The following TBL1Y variants were observed in gnomAD, a reference collection of about 807,000 sequenced individuals.
The protein encoded by TBL1Y is transducin beta like 1 Y-linked, also known as F-box-like/WD repeat-containing protein TBL1Y.
TBL1Y carries 15 observed loss-of-function variants against 12.0 expected under a neutral mutation model. The ratio of observed to expected loss-of-function variants is 1.25; its 90% CI spans 0.83 to 1.92. The LOEUF is 1.92. Ranked by LOEUF, TBL1Y falls within the 40% of genes most tolerant of loss-of-function variation. The pLI is 0.00. For synonymous variants in TBL1Y, 53 were observed against 42.6 expected (o/e 1.24, Z -0.95); for missense variants, 148 against 116.7 (o/e 1.27, Z -1.24).
chrY:7,011,414 C>T, intron 4 of TBL1Y, among the ~76,000 whole-genome samples: 1 of 34,504 alleles, frequency 2.9e-5, no homozygotes, highest in Non-Finnish European at 7.3e-5. Context: ...AAATTACAGA[C>T]GTCATTTTTA....
At chrY:7,081,777 T>C (rs998898742) in intron 14 of TBL1Y, among the ~76,000 whole-genome samples, 2 of 32,084 alleles carry the variant, frequency 6.2e-5, no homozygotes, top group African/African-American at 1.2e-4. Flanking sequence ...AAGAACTCAC[T>C]CTCATGAACA....
Position 7,071,770 on chromosome Y carries a change from C to T in TBL1Y, c.834C>T (p.Pro278=), listed in dbSNP as rs761218721. 6.1e-5 allele frequency: 24 copies of T among 395,993 alleles called. No individual in the cohort carries two copies. Among genetic ancestry groups the T allele is most frequent in the Non-Finnish European group, 8.1e-5 (23 of 282,871 alleles). The change falls in exon 12 of 19, where the codon CCC becomes CCT. Residue 278 remains proline, a synonymous_variant. Coordinates refer to ENST00000383032, the MANE Select transcript of TBL1Y (RefSeq NM_033284.2). ...LASTLGQHKG[P]IFALKWNKKG... is the part of the protein sequence containing the mutation. Reference sequence around the variant, plus strand: ...GCACCTTAGGCCAACATAAAGGCCCCATCTTCGCTCTGAAATGGAACAAAA... The same window carrying T: ...GCACCTTAGGCCAACATAAAGGCCCTATCTTCGCTCTGAAATGGAACAAAA...
At chrY:7,005,440 A>G (rs767883285) in intron 4 of TBL1Y, among the ~76,000 whole-genome samples, 1 of 32,880 alleles carries the variant, frequency 3.0e-5, no homozygotes, top group Admixed American at 2.9e-4. Flanking sequence ...AAAAAAAAAT[A>G]AAGTCCGACA....
At chrY:7,076,913 A>G in intron 13 of TBL1Y, among the ~76,000 whole-genome samples, 1 of 26,091 alleles carries the variant, frequency 3.8e-5, no homozygotes, top group African/African-American at 1.5e-4. Context: ...AAAAAAAAAA[A>G]AAAAAAAAAA....
At chrY:6,983,951 A>G (rs2012300760) in intron 3 of TBL1Y, among the ~76,000 whole-genome samples, 1 of 33,339 alleles carries the variant, frequency 3.0e-5, no homozygotes, top group Non-Finnish European at 7.4e-5. Context: ...CTGATGCATC[A>G]TGGGAGTTTG....
chrY:7,070,475 T>C, intron 9 of TBL1Y, 147 bp downstream of exon 9: 1 of 214,393 alleles, frequency 4.7e-6, no homozygotes, highest in East Asian at 1.1e-4. Context: ...GAGCCACCTC[T>C]ATACGTGTCT....
chrY:6,946,515 A>G (rs774005096), intron 2 of TBL1Y, among the ~76,000 whole-genome samples: 1 of 33,132 alleles, frequency 3.0e-5, no homozygotes, highest in East Asian at 8.1e-4. Flanking sequence ...CTGGAGTGCA[A>G]TGGCGTGATC....
chrY:7,070,995 G>A, intron 10 of TBL1Y, 134 bp downstream of exon 10: 1 of 212,170 alleles, frequency 4.7e-6, no homozygotes, highest in Non-Finnish European at 7.2e-6. Flanking sequence ...TGGAGGGCTA[G>A]CCACAGAGGT....
At chrY:6,915,278 G>T (rs748298387) in intron 2 of TBL1Y, among the ~76,000 whole-genome samples, 1 of 33,591 alleles carries the variant, frequency 3.0e-5, no homozygotes, top group East Asian at 7.8e-4. Flanking sequence ...AGTCTCTTGA[G>T]ATCAAAGTCT....
chrY:6,989,263 G>A (rs912259191), intron 3 of TBL1Y, among the ~76,000 whole-genome samples: 6 of 33,145 alleles, frequency 1.8e-4, no homozygotes, highest in African/African-American at 7.1e-4. Flanking sequence ...AGAGCAGACC[G>A]ATAAACAGTC....
At chrY:6,932,219 T>G (rs1603026358) in intron 2 of TBL1Y, among the ~76,000 whole-genome samples, 1 of 33,969 alleles carries the variant, frequency 2.9e-5, no homozygotes, top group Admixed American at 2.7e-4. Context: ...TCATTCCCTT[T>G]GCAAGCTCTG....
intron 17 of TBL1Y, among the ~76,000 whole-genome samples, chrY:7,088,797 T>C (rs2013156508): frequency 3.0e-5 from 1 of 32,920 alleles, no homozygotes; most frequent in African/African-American, 1.2e-4. Context: ...TCTGTAAGTA[T>C]AAAAATATCT....
At chrY:6,923,048 G>A in intron 2 of TBL1Y, among the ~76,000 whole-genome samples, 1 of 34,050 alleles carries the variant, frequency 2.9e-5, no homozygotes, top group Non-Finnish European at 7.4e-5. Flanking sequence ...AGGGCTCCTT[G>A]AGCGTGGCCA....
chrY:7,064,352 T>G, intron 8 of TBL1Y, among the ~76,000 whole-genome samples: 1 of 33,395 alleles, frequency 3.0e-5, no homozygotes, highest in Admixed American at 2.7e-4. Context: ...CCTTCTTTAC[T>G]CTCATCTTCA....
chrY:6,923,566 T>G (rs2011798014), intron 2 of TBL1Y, among the ~76,000 whole-genome samples: 1 of 32,999 alleles, frequency 3.0e-5, no homozygotes, highest in Non-Finnish European at 7.5e-5. Flanking sequence ...CAGGCTGGAC[T>G]GCAGTAGTGC....
chrY:7,032,434 A>G (rs2012662267), intron 6 of TBL1Y, among the ~76,000 whole-genome samples: 5 of 33,518 alleles, frequency 1.5e-4, no homozygotes, highest in African/African-American at 2.3e-4. Context: ...CAGGAATTAC[A>G]TTATAACTTA....
intron 3 of TBL1Y, among the ~76,000 whole-genome samples, chrY:6,994,687 GT>G (rs766146182): frequency 2.4e-4 from 8 of 33,959 alleles, no homozygotes; most frequent in African/African-American, 9.2e-4. Context: ...GTGGACAATA[GT>G]TTTTCATCAC....
intron 6 of TBL1Y, among the ~76,000 whole-genome samples, chrY:7,025,564 C>T (rs2012619661): frequency 3.0e-5 from 1 of 33,297 alleles, no homozygotes; most frequent in Non-Finnish European, 7.4e-5. Flanking sequence ...GGGGCCTTGC[C>T]GCAGTCCTTG....
chrY:7,007,565 C>T (rs2012496068), intron 4 of TBL1Y, among the ~76,000 whole-genome samples: 1 of 32,665 alleles, frequency 3.1e-5, no homozygotes, highest in Non-Finnish European at 7.5e-5. Context: ...ACCTTCCTGC[C>T]TCAGTCTCCC....
Sources: gnomAD v4.1 joint callset for allele counts (sites outside exome capture counted in the v4.1 genomes callset) on GRCh38, gnomAD v4.1.1 for gene constraint, MANE v1.5 for transcripts, NCBI Gene and HGNC (gene_info 2026-07-23, HGNC 2026-07-21) for gene names.